CACNA1C: variants seen among roughly 807,000 people sequenced by gnomAD.
CACNA1C encodes the protein calcium voltage-gated channel subunit alpha1 C, also known as voltage-dependent L-type calcium channel subunit alpha-1C.
CACNA1C carries 30 observed loss-of-function variants against 229.0 expected under a neutral mutation model. The ratio of observed to expected loss-of-function variants is 0.13; its 90% CI spans 0.10 to 0.18. The LOEUF is 0.18. Among genes scored for constraint, CACNA1C ranks in the 10% least tolerant of loss-of-function variants. CACNA1C has a pLI of 1.00. For synonymous variants in CACNA1C, 1,114 were observed against 1,132.5 expected (o/e 0.98, Z 0.33); for missense variants, 1,658 against 2,845.0 (o/e 0.58, Z 9.49).
chr12:2,573,082 C>G (rs1371554037), intron 13 of CACNA1C, among the ~76,000 whole-genome samples: 2 of 151,970 alleles, frequency 1.3e-5, no homozygotes, highest in African/African-American at 4.8e-5. Context: ...CAGGATCTCA[C>G]TCTGTCACCT....
intron 3 of CACNA1C, among the ~76,000 whole-genome samples, chr12:2,413,625 C>T (rs1367037506): frequency 6.6e-6 from 1 of 152,204 alleles, no homozygotes; most frequent in Admixed American, 6.5e-5. Flanking sequence ...GTTTCACAGC[C>T]CCTCTGGCTG....
In CACNA1C at chr12:2,606,792, T is replaced by C. The variant is rs215992; in HGVS notation, c.3209+129T>C. On this transcript the variant is annotated intron_variant, in intron 25 of 46. Coordinates refer to ENST00000399655, the MANE Select transcript of CACNA1C (RefSeq NM_000719.7). ...GCACCTGCGCTCTGCCTGTGTGTCA[T>C]CTGGCCTCACGGACACAATGTGTAG... 0.11 allele frequency: 99,437 copies of C among 944,566 alleles called. 7,015 individuals are homozygous for C. The highest frequency in any genetic ancestry group is 0.35 in the East Asian group (13,390 of 37,932). 58.5% of individuals were successfully genotyped at this position (944,566 alleles called of 1,614,324 possible).
chr12:2,264,154 A>C (rs996228787), intron 3 of CACNA1C, among the ~76,000 whole-genome samples: 1 of 152,152 alleles, frequency 6.6e-6, no homozygotes, highest in African/African-American at 2.4e-5. Context: ...ACTCCCAGGG[A>C]GTAGGGGTAG....
chr12:2,034,178 G>C lies in CACNA1C; in HGVS notation c.139+62977G>C, dbSNP rs1022728789. ...TTCCTATTATACAGATGATGAAACT[G>C]AGGCTTGAAGAGAGCGGTTCAGTGA... On this transcript the variant is annotated intron_variant, in intron 1 of 46. Transcript: ENST00000682462. This position sits in a 1 kb window ranked among gnomAD's most constrained non-coding sequence, Gnocchi z 4.1. Among the ~76,000 whole-genome samples the C allele has an allele frequency of 1.3e-5, 2 of 152,208 alleles. No individual in the cohort carries two copies. The highest frequency in any genetic ancestry group is 2.9e-5 in the Non-Finnish European group (2 of 68,046).
intron 1 of CACNA1C, among the ~76,000 whole-genome samples, chr12:2,009,547 G>A (rs2044030835): frequency 6.6e-6 from 1 of 152,198 alleles, no homozygotes; most frequent in African/African-American, 2.4e-5. Flanking sequence ...TGTTAGAATG[G>A]AGAGGAAGAG....
chr12:2,589,981 C>A (rs1412314782), intron 18 of CACNA1C, among the ~76,000 whole-genome samples: 1 of 152,222 alleles, frequency 6.6e-6, no homozygotes, highest in Non-Finnish European at 1.5e-5. Context: ...TATCCACCAC[C>A]TGTGCTCCTT....
At chr12:2,253,906 G>A (rs1179536146) in intron 3 of CACNA1C, among the ~76,000 whole-genome samples, 1 of 152,152 alleles carries the variant, frequency 6.6e-6, no homozygotes, top group African/African-American at 2.4e-5. Context: ...GATCACTGGA[G>A]AGAGAAAACT....
At chr12:2,358,623 C>CCTG (rs2097459331) in intron 3 of CACNA1C, among the ~76,000 whole-genome samples, 1 of 152,142 alleles carries the variant, frequency 6.6e-6, no homozygotes, top group South Asian at 2.1e-4. Context: ...AGGAGAAGTG[C>CCTG]TAAATGACGA....
chr12:2,267,625 CAG>C (rs2082882373), intron 3 of CACNA1C, among the ~76,000 whole-genome samples: 1 of 152,188 alleles, frequency 6.6e-6, no homozygotes, highest in Non-Finnish European at 1.5e-5. Context: ...CAGCTCCAGC[CAG>C]AGAGAGTTCA....
chr12:2,453,238 G>C (rs4765688), intron 4 of CACNA1C, among the ~76,000 whole-genome samples: 1 of 151,884 alleles, frequency 6.6e-6, no homozygotes, highest in Non-Finnish European at 1.5e-5. Flanking sequence ...TCCCCTCATC[G>C]CTCAGCCCTG....
intron 3 of CACNA1C, among the ~76,000 whole-genome samples, chr12:2,135,081 T>C (rs1284732160): frequency 6.8e-6 from 1 of 147,708 alleles, no homozygotes; most frequent in Non-Finnish European, 1.5e-5. Flanking sequence ...TGACACCCTT[T>C]CTTCCAGTTG....
At position 2,595,829 on chromosome 12, in the gene CACNA1C, T is replaced by G; in HGVS notation, c.2664-45T>G. The G allele has an allele frequency of 6.3e-7, 1 of 1,596,926 alleles. No individual in the cohort carries two copies. The highest frequency in any genetic ancestry group is 8.6e-7 in the Non-Finnish European group (1 of 1,169,562). ...CCAAGAGCCGACTGGTGCTTCCCCT[T>G]GTCTGCCTTGACTTGTCTCTCCTCC... On this transcript the variant is annotated intron_variant, in intron 19 of 46. Coordinates refer to ENST00000399655, the MANE Select transcript of CACNA1C (RefSeq NM_000719.7). The surrounding 1 kb of genome is among the most constrained non-coding windows in gnomAD (Gnocchi z 4.1).
chr12:2,113,790 T>G (rs968660249), intron 1 of CACNA1C, among the ~76,000 whole-genome samples: 2 of 152,212 alleles, frequency 1.3e-5, no homozygotes, highest in African/African-American at 4.8e-5. Context: ...TTGGCAAACC[T>G]TACAGACTCT....
intron 1 of CACNA1C, among the ~76,000 whole-genome samples, chr12:2,038,240 C>A (rs935085587): frequency 3.3e-5 from 5 of 152,120 alleles, no homozygotes; most frequent in African/African-American, 1.2e-4. Flanking sequence ...AAATAGGGTA[C>A]TTAATGAATC....
intron 1 of CACNA1C, among the ~76,000 whole-genome samples, chr12:1,973,162 TGA>T (rs1378779499): frequency 6.6e-6 from 1 of 152,228 alleles, no homozygotes; most frequent in African/African-American, 2.4e-5. Flanking sequence ...CACTGGCCAC[TGA>T]GAGTCTACAT....
intron 30 of CACNA1C, among the ~76,000 whole-genome samples, chr12:2,641,920 T>C (rs1316857182): frequency 2.6e-5 from 4 of 152,160 alleles, no homozygotes; most frequent in Admixed American, 2.0e-4. Flanking sequence ...ATGAAGCATC[T>C]GACCATCAGC....
rs571727335 is a variant in CACNA1C at position 2,060,547 on chromosome 12, A to G, written c.49+6936A>G. Reference sequence around the variant, plus strand: ...TGGCTGACTTGTTTCATACTCTTTCAAGTCATCTCTGAGAAACTGGAAGGC... The same window carrying G: ...TGGCTGACTTGTTTCATACTCTTTCGAGTCATCTCTGAGAAACTGGAAGGC... On this transcript the variant is annotated intron_variant, in intron 1 of 46. Transcript: ENST00000399655. Among the ~76,000 whole-genome samples, 17 of 152,246 alleles carry G rather than the reference A, an allele frequency of 1.1e-4. No individual in the cohort carries two copies. The South Asian group carries it at 3.5e-3, about 32-fold the overall frequency.
At chr12:2,499,912 C>G (rs200350818) in intron 7 of CACNA1C, among the ~76,000 whole-genome samples, 1 of 152,136 alleles carries the variant, frequency 6.6e-6, no homozygotes, top group Non-Finnish European at 1.5e-5. Flanking sequence ...TTCAGAGCCA[C>G]CCAGCTTTGT....
At chr12:2,385,505 C>T (rs560819024) in intron 3 of CACNA1C, among the ~76,000 whole-genome samples, 2 of 152,166 alleles carry the variant, frequency 1.3e-5, no homozygotes, top group Non-Finnish European at 1.5e-5. Flanking sequence ...AGCTAGGACC[C>T]GCTGCTGTCT....
Sources: gnomAD v4.1 joint callset for allele counts (sites outside exome capture counted in the v4.1 genomes callset) on GRCh38, gnomAD v4.1.1 for gene constraint, Gnocchi (gnomAD v3.1) non-coding constraint, MANE v1.5 for transcripts, NCBI Gene and HGNC (gene_info 2026-07-23, HGNC 2026-07-21) for gene names.